TPTE: variants seen among roughly 807,000 people sequenced by gnomAD.
The protein encoded by TPTE is transmembrane phosphatase with tensin homology.
Under a neutral mutation model 84.1 loss-of-function variants are expected in TPTE, and 59 were observed. That is an observed-to-expected ratio of 0.70 (90% CI 0.57 to 0.87). The LOEUF is 0.87. Among genes scored for constraint, TPTE ranks in the 40% least tolerant of loss-of-function variants. TPTE has a pLI of 0.00. For synonymous variants in TPTE, 130 were observed against 223.5 expected (o/e 0.58, Z 3.73); for missense variants, 382 against 659.6 (o/e 0.58, Z 4.61).
At chr21:10,544,023 T>G (rs920456727) in intron 7 of TPTE, among the ~76,000 whole-genome samples, 2 of 152,306 alleles carry the variant, frequency 1.3e-5, no homozygotes, top group Non-Finnish European at 2.9e-5. Flanking sequence ...CTGTGTCTCA[T>G]GGGCAGGAGA....
At chr21:10,531,173 A>G (rs576619767) in intron 3 of TPTE, among the ~76,000 whole-genome samples, 133 of 152,374 alleles carry the variant, frequency 8.7e-4, no homozygotes, top group Middle Eastern at 3.4e-3. Context: ...ACATGGTGTT[A>G]TTGTTTGGAG....
At chr21:10,548,583 C>T (rs1008587723) in intron 7 of TPTE, among the ~76,000 whole-genome samples, 1 of 152,304 alleles carries the variant, frequency 6.6e-6, no homozygotes, top group African/African-American at 2.4e-5. Flanking sequence ...ATGGACTACC[C>T]CCAGCAGACA....
chr21:10,573,616 A>G lies in TPTE; in HGVS notation c.795+3067A>G, dbSNP rs376528408. On this transcript the variant is annotated intron_variant, in intron 14 of 23. Coordinates refer to ENST00000618007, the MANE Select transcript of TPTE (RefSeq NM_199261.4). The stretch of plus-strand genomic sequence containing the variant: ...ATGATAAATATTTGAGGTGATAGAT[A>G]TGCTGATTATCCTGATTTGATCATT... 1.8e-4 allele frequency among the ~76,000 whole-genome samples: 27 copies of G among 152,330 alleles called. No individual in the cohort carries two copies. In the East Asian group the frequency reaches 4.3e-3, roughly 24 times the overall value.
intron 1 of TPTE, among the ~76,000 whole-genome samples, chr21:10,522,094 C>T (rs467579): frequency 6.6e-6 from 1 of 152,080 alleles, no homozygotes; most frequent in Non-Finnish European, 1.5e-5. Flanking sequence ...CCCGCCCGGT[C>T]CTGCGGAGGC....
chr21:10,554,547 G>A (rs2074641379), intron 8 of TPTE, among the ~76,000 whole-genome samples: 1 of 152,290 alleles, frequency 6.6e-6, no homozygotes, highest in Admixed American at 6.5e-5. Context: ...TCTGTCTTTG[G>A]ACTGAAAAGT....
intron 7 of TPTE, among the ~76,000 whole-genome samples, chr21:10,545,223 A>C (rs1333187803): frequency 6.6e-6 from 1 of 152,312 alleles, no homozygotes; most frequent in Non-Finnish European, 1.5e-5. Context: ...AGAGAGGCAT[A>C]TATTAAGATT....
chr21:10,541,563 T>A (rs2074370263), intron 5 of TPTE, among the ~76,000 whole-genome samples: 2 of 152,308 alleles, frequency 1.3e-5, no homozygotes, highest in Admixed American at 1.3e-4. Context: ...CTCAGATGTG[T>A]TCCTGATAAT....
intron 14 of TPTE, among the ~76,000 whole-genome samples, chr21:10,572,953 A>G (rs555589688): frequency 2.7e-4 from 41 of 152,378 alleles, no homozygotes; most frequent in African/African-American, 9.1e-4. Context: ...CCAGAAAAAA[A>G]TGAACAAAAT....
rs537960869 is a variant in TPTE, at chr21:10,533,236, C to G, written c.-43-5445C>G. ...CACATGTATCCAAACTACTATTTAT[C>G]CCTCAACAATTTATATTTTTTGACA... is the stretch of plus-strand genomic sequence containing the variant. On this transcript the variant is annotated intron_variant, in intron 3 of 23. Transcript: ENST00000618007. Among the ~76,000 whole-genome samples the G allele has an allele frequency of 6.9e-4, 105 of 152,380 alleles. No homozygotes were observed. The Middle Eastern group carries it at 0.01, about 15-fold the overall frequency.
At chr21:10,545,602 T>G (rs1194641903) in intron 7 of TPTE, among the ~76,000 whole-genome samples, 1 of 152,094 alleles carries the variant, frequency 6.6e-6, no homozygotes, top group Non-Finnish European at 1.5e-5. Flanking sequence ...ACTACTGACA[T>G]TATTAATTTG....
chr21:10,568,269 AATTT>A (rs1266901597), intron 11 of TPTE, among the ~76,000 whole-genome samples: 10 of 152,414 alleles, frequency 6.6e-5, no homozygotes, highest in African/African-American at 2.2e-4. Context: ...GCCAAGAGGG[AATTT>A]ATTTGAGCAT....
intron 1 of TPTE, among the ~76,000 whole-genome samples, chr21:10,522,562 T>A (rs528645434): frequency 6.6e-6 from 1 of 152,430 alleles, no homozygotes; most frequent in South Asian, 2.1e-4. Flanking sequence ...TGTTTCTTAT[T>A]GTAGTTTTAA....
intron 3 of TPTE, among the ~76,000 whole-genome samples, chr21:10,536,591 AAG>A (rs529245343): frequency 8.2e-4 from 122 of 149,514 alleles, no homozygotes; most frequent in African/African-American, 3.0e-3. Flanking sequence ...AAGGGAGAGA[AAG>A]AGAAAAGAGA....
intron 17 of TPTE, among the ~76,000 whole-genome samples, chr21:10,586,301 G>A (rs1326373002): frequency 6.7e-6 from 1 of 150,326 alleles, no homozygotes; most frequent in African/African-American, 2.4e-5. Flanking sequence ...CTTTGTGCTT[G>A]TTTTTTTTTT....
At chr21:10,523,212 T>C (rs1333575862) in intron 1 of TPTE, among the ~76,000 whole-genome samples, 1 of 152,312 alleles carries the variant, frequency 6.6e-6, no homozygotes, top group Non-Finnish European at 1.5e-5. Context: ...CTGAGGTTAT[T>C]ATCCTGTGGT....
intron 3 of TPTE, among the ~76,000 whole-genome samples, chr21:10,531,955 AT>A (rs1161201228): frequency 1.9e-3 from 293 of 152,226 alleles, no homozygotes; most frequent in African/African-American, 6.9e-3. Flanking sequence ...ATCATTGTCA[AT>A]GACATATATC....
At chr21:10,525,922 T>C (rs974981468) in intron 2 of TPTE, among the ~76,000 whole-genome samples, 2 of 152,310 alleles carry the variant, frequency 1.3e-5, no homozygotes, top group Non-Finnish European at 2.9e-5. Context: ...GCTTGTCACC[T>C]GAATCTGGAG....
chr21:10,562,201 A>G (rs1400249890), intron 10 of TPTE, among the ~76,000 whole-genome samples: 1 of 152,310 alleles, frequency 6.6e-6, no homozygotes, highest in East Asian at 1.9e-4. Flanking sequence ...CCCCTAAAGC[A>G]GATAGAGATT....
At chr21:10,576,924 AGAG>A (rs2075166364) in intron 14 of TPTE, among the ~76,000 whole-genome samples, 1 of 152,106 alleles carries the variant, frequency 6.6e-6, no homozygotes, top group African/African-American at 2.4e-5. Context: ...AAAAAAATAA[AGAG>A]AACAAATGAG....
Sources: allele counts gnomAD v4.1 joint callset (sites outside exome capture counted in the v4.1 genomes callset), GRCh38; gene constraint gnomAD v4.1.1; transcripts MANE v1.5; gene names NCBI Gene and HGNC (gene_info 2026-07-23, HGNC 2026-07-21).